The following SLC17A5 variants were observed in gnomAD, a reference collection of about 807,000 sequenced individuals.
The protein encoded by SLC17A5 is sialin.
In SLC17A5, 47 loss-of-function variants were observed where a neutral mutation model predicts 59.4. The ratio of observed to expected loss-of-function variants is 0.79; its 90% confidence interval spans 0.63 to 1.01. The LOEUF (loss-of-function observed/expected upper bound fraction) is 1.01. Ranked by LOEUF, SLC17A5 falls within the 50% of genes least tolerant of loss-of-function variation. SLC17A5 has a pLI of 0.00. For synonymous variants in SLC17A5, 202 were observed against 210.7 expected (o/e 0.96, Z 0.36); for missense variants, 522 against 595.5 (o/e 0.88, Z 1.28).
chr6:73,628,774 T>G (rs992210295), intron 6 of SLC17A5, among the ~76,000 whole-genome samples: 17 of 152,220 alleles, frequency 1.1e-4, no homozygotes, highest in African/African-American at 4.1e-4. Flanking sequence ...CTCAATCAAC[T>G]TTTTTTCCAT....
intron 6 of SLC17A5, among the ~76,000 whole-genome samples, chr6:73,633,596 G>T (rs9293933): frequency 0.16 from 24,588 of 151,520 alleles, 3,056 homozygotes; most frequent in African/African-American, 0.34. Flanking sequence ...TATCAATCTT[G>T]GGCTAGGCAC....
intron 4 of SLC17A5, among the ~76,000 whole-genome samples, chr6:73,637,158 G>A (rs1769051964): frequency 6.6e-6 from 1 of 151,938 alleles, no homozygotes; most frequent in Non-Finnish European, 1.5e-5. Flanking sequence ...AACAGGACAA[G>A]CAAAGGAATG....
At chr6:73,606,272 A>G (rs189722685) in intron 9 of SLC17A5, among the ~76,000 whole-genome samples, 1 of 151,996 alleles carries the variant, frequency 6.6e-6, no homozygotes, top group African/African-American at 2.4e-5. Flanking sequence ...GGAGCTCCTA[A>G]CCTCAAACGA....
At chr6:73,650,210 A>AAAG (rs1344997559) in intron 1 of SLC17A5, among the ~76,000 whole-genome samples, 1 of 80,472 alleles carries the variant, frequency 1.2e-5, no homozygotes, top group Non-Finnish European at 3.0e-5. Flanking sequence ...AAAAAAAAAA[A>AAAG]AAAAAGAAAG....
intron 9 of SLC17A5, among the ~76,000 whole-genome samples, chr6:73,609,932 G>A (rs1767572265): frequency 6.6e-6 from 1 of 152,084 alleles, no homozygotes; most frequent in Non-Finnish European, 1.5e-5. Context: ...AGATGAAATT[G>A]CTCTAGAGAT....
At chr6:73,638,148 T>G (rs1769110156) in intron 4 of SLC17A5, among the ~76,000 whole-genome samples, 2 of 151,970 alleles carry the variant, frequency 1.3e-5, no homozygotes, top group South Asian at 4.2e-4. Flanking sequence ...AAATAGCATC[T>G]CTATACCAAT....
intron 9 of SLC17A5, among the ~76,000 whole-genome samples, chr6:73,601,715 C>A (rs1332963817): frequency 8.6e-5 from 10 of 116,596 alleles, no homozygotes; most frequent in Non-Finnish European, 1.8e-4. Context: ...GCCCGGCCAG[C>A]CGCCCCGTCC....
chr6:73,636,620 C>A lies in SLC17A5; in HGVS notation c.700+1G>T. The A allele has an allele frequency of 1.3e-6, 2 of 1,544,762 alleles. No homozygotes were observed. Among genetic ancestry groups the A allele is most frequent in the East Asian group, 2.2e-5 (1 of 44,490 alleles). On this transcript the variant is annotated splice_donor_variant, in intron 5 of 10. Transcript: ENST00000355773. LOFTEE classifies it high-confidence loss of function. ...TAATTTAGTTAAAATTTTAAACTTA[C>A]CAAAAAAGTAGAAGACATAAGTCCA...
At chr6:73,601,115 A>C (rs1439105662) in intron 9 of SLC17A5, among the ~76,000 whole-genome samples, 1 of 142,024 alleles carries the variant, frequency 7.0e-6, no homozygotes, top group Non-Finnish European at 1.5e-5. Context: ...TCTTCCCGGC[A>C]GCCATCCCAT....
intron 1 of SLC17A5, among the ~76,000 whole-genome samples, chr6:73,650,146 A>G (rs1410537856): frequency 6.7e-6 from 1 of 148,204 alleles, no homozygotes; most frequent in African/African-American, 2.5e-5. Flanking sequence ...GGATCACTTG[A>G]GCCCAGGAGT....
intron 8 of SLC17A5, among the ~76,000 whole-genome samples, chr6:73,613,630 A>G (rs1261340358): frequency 6.6e-6 from 1 of 152,300 alleles, no homozygotes; most frequent in Non-Finnish European, 1.5e-5. Context: ...CCAAAGTGCT[A>G]GGATTACAGG....
Position 73,594,669 on chromosome 6 carries a change from A to G in SLC17A5, c.*408T>C. ...CTAAAGTTTGAGGTCTAAGTGTCAG[A>G]GAGAGCTGACAATTTTTATGAGGAA... On this transcript the variant is annotated 3_prime_UTR_variant, in exon 11 of 11. Coordinates refer to ENST00000355773, the MANE Select transcript of SLC17A5 (RefSeq NM_012434.5). The G allele has an allele frequency of 4.0e-6, 1 of 247,582 alleles. No homozygotes were observed. The highest frequency in any genetic ancestry group is 7.9e-6 in the Non-Finnish European group (1 of 126,620). The allele number at this position is 247,582 out of a possible 1,614,324, so 15.3% of individuals were successfully genotyped here.
rs565667122 is a variant in SLC17A5, at chr6:73,634,422, T to C, written c.819+960A>G. 1.7e-4 allele frequency among the ~76,000 whole-genome samples: 26 copies of C among 152,250 alleles called. No homozygotes were observed. In the East Asian group the frequency reaches 4.2e-3, roughly 25 times the overall value. ...CTAAATCTTGTTTTTCTTTTCGAGA[T>C]GGAGTCTTGCTCTGTCACCCAGGCT... On this transcript the variant is annotated intron_variant, in intron 6 of 10. Coordinates refer to ENST00000355773, the MANE Select transcript of SLC17A5 (RefSeq NM_012434.5).
intron 1 of SLC17A5, among the ~76,000 whole-genome samples, chr6:73,648,998 T>A (rs1288889869): frequency 6.8e-6 from 1 of 147,342 alleles, no homozygotes; most frequent in Non-Finnish European, 1.5e-5. Flanking sequence ...AAATAATATA[T>A]AATTTTTTTT....
chr6:73,596,986 C>A (rs1307293985), intron 10 of SLC17A5, among the ~76,000 whole-genome samples: 2 of 151,296 alleles, frequency 1.3e-5, no homozygotes, highest in Admixed American at 6.6e-5. Context: ...CATGGCGAGA[C>A]CCTGTCCCTA....
At chr6:73,610,072 T>C (rs1206696289) in intron 9 of SLC17A5, among the ~76,000 whole-genome samples, 1 of 152,076 alleles carries the variant, frequency 6.6e-6, no homozygotes, top group Non-Finnish European at 1.5e-5. Flanking sequence ...TTGCTCTTGT[T>C]GCCCAGGCTG....
At chr6:73,618,541 A>G in intron 7 of SLC17A5, 1 of 526,514 alleles carries the variant, frequency 1.9e-6, no homozygotes, top group South Asian at 1.7e-5. Context: ...CTGCCAGCCT[A>G]CAGGAGGAAA....
At chr6:73,604,438 A>G (rs1364456873) in intron 9 of SLC17A5, among the ~76,000 whole-genome samples, 1 of 152,166 alleles carries the variant, frequency 6.6e-6, no homozygotes, top group African/African-American at 2.4e-5. Flanking sequence ...CAACAAAATT[A>G]CCATAGAAAA....
At chr6:73,603,808 C>T (rs995714825) in intron 9 of SLC17A5, among the ~76,000 whole-genome samples, 1 of 151,998 alleles carries the variant, frequency 6.6e-6, no homozygotes, top group African/African-American at 2.4e-5. Context: ...GGTATCATTT[C>T]ACATAATCTT....
Sources: allele counts gnomAD v4.1 joint callset (sites outside exome capture counted in the v4.1 genomes callset), GRCh38; gene constraint gnomAD v4.1.1; transcripts MANE v1.5; gene names NCBI Gene and HGNC (gene_info 2026-07-23, HGNC 2026-07-21).